Variants in ZNF157 observed in about 807,000 individuals in gnomAD.
The protein encoded by ZNF157 is zinc finger protein 22.
Under a neutral mutation model 9.4 loss-of-function variants are expected in ZNF157, and 8 were observed. That is an observed-to-expected ratio of 0.85 (90% CI 0.50 to 1.53). The LOEUF (loss-of-function observed/expected upper bound fraction) is 1.53, where lower values mean the gene tolerates loss of function less well. Among genes scored for constraint, ZNF157 ranks in the 40% most tolerant of loss-of-function variants. The probability of loss-of-function intolerance (pLI) is 0.00; values close to 1 mark genes in which losing one functional copy is unlikely to be tolerated. For missense variants in ZNF157, 316 were observed against 385.2 expected (o/e 0.82, Z 1.50); for synonymous variants, 120 against 130.8 (o/e 0.92, Z 0.56).
chrX:47,395,504 C>G lies in ZNF157; in HGVS notation c.73-14772C>G, dbSNP rs150095286. On this transcript the variant is annotated intron_variant, in intron 1 of 3. Coordinates refer to ENST00000377073, the MANE Select transcript of ZNF157 (RefSeq NM_003446.4). ...ATTATCTTGGCACCTTTACATATCT[C>G]TTTAAATCATACTTAATCTCTAAAT... Among the ~76,000 whole-genome samples, 10 of 111,999 alleles carry G rather than the reference C, an allele frequency of 8.9e-5. No homozygotes were observed. The East Asian group carries it at 2.8e-3, about 31-fold the overall frequency.
At chrX:47,408,040 G>A (rs955696045) in intron 1 of ZNF157, among the ~76,000 whole-genome samples, 4 of 111,730 alleles carry the variant, frequency 3.6e-5, no homozygotes, top group South Asian at 3.7e-4. Flanking sequence ...AAAGCATAAC[G>A]GCTTCTGGGG....
rs760600482 is a variant in ZNF157 at position 47,412,924 on chromosome X, G to A, written c.851G>A (p.Arg284His). 29 of 1,209,326 alleles carry A rather than the reference G, an allele frequency of 2.4e-5. No individual in the cohort carries two copies. Among genetic ancestry groups the A allele is most frequent in the Admixed American group, 2.0e-4 (9 of 45,657 alleles). ...YECSECGKTFRVKISLTQHHR... is the reference protein window; with the variant it reads ...YECSECGKTFHVKISLTQHHR... Reference sequence around the variant, plus strand: ...TGTAGTGAATGTGGGAAAACATTTCGTGTAAAGATATCCCTTACCCAACAC... The same window carrying A: ...TGTAGTGAATGTGGGAAAACATTTCATGTAAAGATATCCCTTACCCAACAC... The change falls in exon 4 of 4, where the codon CGT (arginine) becomes CAT (histidine). Residue 284 changes from arginine (R) to histidine (H), a missense_variant. Physicochemically the swap from Arg to His is conservative, Grantham distance 29 (BLOSUM62 0). Around this residue, in one of 3 missense-constraint regions of ZNF157, gnomAD observed 167 missense variants for 183.6 expected, o/e 0.91. Coordinates refer to ENST00000377073, the MANE Select transcript of ZNF157 (RefSeq NM_003446.4).
intron 1 of ZNF157, among the ~76,000 whole-genome samples, chrX:47,396,299 G>T (rs1440936907): frequency 9.0e-6 from 1 of 110,791 alleles, no homozygotes; most frequent in East Asian, 2.9e-4. Flanking sequence ...CAGCATTTTG[G>T]GAGGCCAAGG....
intron 1 of ZNF157, among the ~76,000 whole-genome samples, chrX:47,398,633 G>A (rs950977888): frequency 3.6e-5 from 4 of 110,289 alleles, no homozygotes; most frequent in South Asian, 7.7e-4. Flanking sequence ...TTTGCCTCCC[G>A]AGTAGCTGGG....
intron 1 of ZNF157, among the ~76,000 whole-genome samples, chrX:47,398,059 G>T (rs958082374): frequency 8.2e-5 from 9 of 110,055 alleles, no homozygotes; most frequent in Non-Finnish European, 1.3e-4. Flanking sequence ...GAGTGCACTG[G>T]CATGATCTCA....
intron 1 of ZNF157, among the ~76,000 whole-genome samples, chrX:47,391,876 T>C (rs1439336438): frequency 4.1e-5 from 4 of 98,557 alleles, no homozygotes; most frequent in Non-Finnish European, 8.1e-5. Context: ...GGACTGTGGA[T>C]ACTGAACCTG....
intron 1 of ZNF157, among the ~76,000 whole-genome samples, chrX:47,387,124 A>G (rs1405582590): frequency 3.5e-5 from 3 of 86,742 alleles, no homozygotes; most frequent in African/African-American, 1.3e-4. Flanking sequence ...TGCCCTGCTA[A>G]TTTTTTTTTT....
chrX:47,378,159 T>C (rs766801955), intron 1 of ZNF157, among the ~76,000 whole-genome samples: 1 of 110,358 alleles, frequency 9.1e-6, no homozygotes, highest in African/African-American at 3.3e-5. Context: ...TAGGGGCCAG[T>C]GAGTTAGAAG....
At chrX:47,393,848 C>T (rs1477852483) in intron 1 of ZNF157, among the ~76,000 whole-genome samples, 2 of 108,669 alleles carry the variant, frequency 1.8e-5, no homozygotes, top group African/African-American at 6.7e-5. Flanking sequence ...AGCCACTCTC[C>T]CCTCCCAGGA....
intron 1 of ZNF157, among the ~76,000 whole-genome samples, chrX:47,392,516 G>T (rs778300057): frequency 9.0e-6 from 1 of 111,617 alleles, no homozygotes. Context: ...AACATTCACC[G>T]TGCCTGGGTG....
chrX:47,400,175 T>G (rs772192180), intron 1 of ZNF157, among the ~76,000 whole-genome samples: 3 of 110,097 alleles, frequency 2.7e-5, no homozygotes, highest in East Asian at 5.7e-4. Flanking sequence ...TTTTATATTT[T>G]TAGTAGAGAC....
chrX:47,392,494 T>C, intron 1 of ZNF157, among the ~76,000 whole-genome samples: 1 of 111,794 alleles, frequency 8.9e-6, no homozygotes, highest in East Asian at 2.8e-4. Context: ...TTTTTCCAAA[T>C]AACACCCAGG....
chrX:47,380,269 A>G (rs1161704778), intron 1 of ZNF157, among the ~76,000 whole-genome samples: 2 of 110,803 alleles, frequency 1.8e-5, no homozygotes, highest in Non-Finnish European at 3.8e-5. Context: ...AGCAGTAGTG[A>G]AAGTTTATTA....
intron 1 of ZNF157, among the ~76,000 whole-genome samples, chrX:47,375,528 G>C (rs73492339): frequency 1.8e-5 from 2 of 110,833 alleles, no homozygotes; most frequent in African/African-American, 6.5e-5. Context: ...AAGGCTCACT[G>C]CTTTGTGTTG....
chrX:47,385,544 C>CGTGTGTGTGTGTGT (rs10687283), intron 1 of ZNF157, among the ~76,000 whole-genome samples: 95 of 90,372 alleles, frequency 1.1e-3, no homozygotes, highest in Non-Finnish European at 1.7e-3. Flanking sequence ...TAAGCGATTC[C>CGTGTGTGTGTGTGT]GTGTGTGTGT....
chrX:47,378,208 G>C (rs1273499691), intron 1 of ZNF157, among the ~76,000 whole-genome samples: 1 of 110,950 alleles, frequency 9.0e-6, no homozygotes. Flanking sequence ...CATAGGAGTT[G>C]AAGCTGTCCT....
intron 1 of ZNF157, among the ~76,000 whole-genome samples, chrX:47,378,275 G>A (rs754731492): frequency 1.6e-4 from 18 of 111,174 alleles, no homozygotes; most frequent in Non-Finnish European, 3.2e-4. Context: ...GCCAGTTTAC[G>A]GATCTGGGTG....
chrX:47,409,928 C>T (rs780108680), intron 1 of ZNF157, among the ~76,000 whole-genome samples: 4 of 111,820 alleles, frequency 3.6e-5, no homozygotes, highest in Admixed American at 9.5e-5. Flanking sequence ...GGATTACAGG[C>T]GTGAGCCACC....
chrX:47,412,104 G>A (rs1488974804), intron 3 of ZNF157, among the ~76,000 whole-genome samples: 3 of 110,960 alleles, frequency 2.7e-5, no homozygotes, highest in Non-Finnish European at 5.7e-5. Context: ...GATTACAGGC[G>A]GGCACCATTA....
Sources: gnomAD v4.1 joint callset for allele counts (sites outside exome capture counted in the v4.1 genomes callset) on GRCh38, gnomAD v4.1.1 for gene constraint, gnomAD v4.1.1 regional missense constraint, MANE v1.5 for transcripts, NCBI Gene and HGNC (gene_info 2026-07-23, HGNC 2026-07-21) for gene names.